PRKD1: variants seen among roughly 807,000 people sequenced by gnomAD.
PRKD1 encodes serine/threonine-protein kinase D1.
Under a neutral mutation model 95.9 loss-of-function variants are expected in PRKD1, and 63 were observed. The ratio of observed to expected loss-of-function variants is 0.66; its 90% CI spans 0.54 to 0.81. PRKD1 has a LOEUF of 0.81. Among genes scored for constraint, PRKD1 ranks in the 30% least tolerant of loss-of-function variants. PRKD1 has a pLI of 0.00. For missense variants in PRKD1, 1,048 were observed against 1,165.3 expected, an observed-to-expected ratio of 0.90 and a Z score of 1.47; for synonymous variants, 425 against 423.1, an observed-to-expected ratio of 1.00 and a Z score of -0.05.
chr14:29,889,581 C>A (rs1893866099), intron 1 of PRKD1, among the ~76,000 whole-genome samples: 1 of 152,164 alleles, frequency 6.6e-6, no homozygotes, highest in South Asian at 2.1e-4. Flanking sequence ...GAGTTCATGT[C>A]CTTTGCAGGC....
At chr14:29,904,163 G>C (rs1293413030) in intron 1 of PRKD1, among the ~76,000 whole-genome samples, 1 of 152,114 alleles carries the variant, frequency 6.6e-6, no homozygotes, top group Non-Finnish European at 1.5e-5. Context: ...AAACAGATCT[G>C]CCTATAAAAG....
intron 1 of PRKD1, among the ~76,000 whole-genome samples, chr14:29,823,431 A>G (rs1178673413): frequency 6.6e-6 from 1 of 152,198 alleles, no homozygotes; most frequent in Non-Finnish European, 1.5e-5. Flanking sequence ...ACCCATTCAA[A>G]TGCAAATGTT....
At chr14:29,618,972 T>C (rs1879060681) in intron 13 of PRKD1, among the ~76,000 whole-genome samples, 1 of 152,102 alleles carries the variant, frequency 6.6e-6, no homozygotes, top group African/African-American at 2.4e-5. Context: ...CTCTGGAGAA[T>C]GAGGAGGAGG....
chr14:29,856,144 A>G (rs1248334816), intron 1 of PRKD1, among the ~76,000 whole-genome samples: 1 of 152,208 alleles, frequency 6.6e-6, no homozygotes, highest in East Asian at 1.9e-4. Context: ...AAGGGTATAA[A>G]GGAAGTTGAA....
intron 1 of PRKD1, among the ~76,000 whole-genome samples, chr14:29,918,592 CTCTT>C (rs1465824764): frequency 6.6e-6 from 1 of 152,130 alleles, no homozygotes; most frequent in Non-Finnish European, 1.5e-5. Flanking sequence ...TACCACTTGA[CTCTT>C]TATTTCTAGT....
At chr14:29,640,225 C>T (rs1164646396) in intron 4 of PRKD1, among the ~76,000 whole-genome samples, 1 of 152,106 alleles carries the variant, frequency 6.6e-6, no homozygotes, top group Non-Finnish European at 1.5e-5. Flanking sequence ...AAATGTGAAC[C>T]TACATTTGTT....
At chr14:29,813,778 C>T (rs1890585522) in intron 1 of PRKD1, among the ~76,000 whole-genome samples, 1 of 152,194 alleles carries the variant, frequency 6.6e-6, no homozygotes, top group Non-Finnish European at 1.5e-5. Flanking sequence ...CATTACACAT[C>T]CAATTACTAT....
chr14:29,727,917 A>C (rs956568116), intron 1 of PRKD1, among the ~76,000 whole-genome samples: 1 of 151,418 alleles, frequency 6.6e-6, no homozygotes, highest in Admixed American at 6.6e-5. Context: ...AGAACAAAAA[A>C]CCAAACACCG....
Position 29,658,769 on chromosome 14 carries a change from C to T in PRKD1, c.696+4930G>A, listed in dbSNP as rs78241513. Among the ~76,000 whole-genome samples, 538 of 152,248 alleles carry T rather than the reference C, an allele frequency of 3.5e-3. 5 individuals carry two copies. The highest frequency in any genetic ancestry group is 6.8e-3 in the Non-Finnish European group (460 of 68,012). On this transcript the variant is annotated intron_variant, in intron 4 of 17. Transcript: ENST00000331968. ...ACAATGTTTATTATGCAAATGAATACTAGTATCCCAGAATGATGTGGCATA... is the reference window on the plus strand; with the variant it reads ...ACAATGTTTATTATGCAAATGAATATTAGTATCCCAGAATGATGTGGCATA...
intron 13 of PRKD1, among the ~76,000 whole-genome samples, chr14:29,614,595 T>C (rs933007570): frequency 1.3e-5 from 2 of 152,128 alleles, no homozygotes; most frequent in Admixed American, 6.6e-5. Context: ...ATAATATCTA[T>C]ATAGTTATAT....
intron 2 of PRKD1, among the ~76,000 whole-genome samples, chr14:29,703,294 C>T (rs1241615192): frequency 3.3e-5 from 5 of 152,162 alleles, no homozygotes; most frequent in Non-Finnish European, 7.3e-5. Context: ...CCCTTTCAGC[C>T]TTCAAGGAAT....
chr14:29,895,123 G>A (rs189438078), intron 1 of PRKD1, among the ~76,000 whole-genome samples: 76 of 152,098 alleles, frequency 5.0e-4, no homozygotes, highest in African/African-American at 1.8e-3. Flanking sequence ...CAAGGTCAGG[G>A]GTTCGAGACC....
At chr14:29,724,061 C>G (rs995077568) in intron 2 of PRKD1, among the ~76,000 whole-genome samples, 1 of 152,234 alleles carries the variant, frequency 6.6e-6, no homozygotes, top group East Asian at 1.9e-4. Context: ...CAGGTCAACA[C>G]GAGGGAAGAG....
chr14:29,625,862 T>A lies in PRKD1; in HGVS notation c.1798+622A>T, dbSNP rs576245341. On this transcript the variant is annotated intron_variant, in intron 12 of 17. Coordinates refer to ENST00000331968, the MANE Select transcript of PRKD1 (RefSeq NM_002742.3). ...GATAATATTAAGGAACTGAAAGTTA[T>A]GAGTTCATTTTACAGGGCAGGTAAA... 3.3e-5 allele frequency among the ~76,000 whole-genome samples: 5 copies of A among 152,256 alleles called. No individual in the cohort carries two copies. In the East Asian group the frequency reaches 9.6e-4, roughly 29 times the overall value.
intron 4 of PRKD1, chr14:29,650,430 T>C (rs1881420653): frequency 1.3e-5 from 2 of 152,292 alleles, no homozygotes; most frequent in South Asian, 2.1e-4. Flanking sequence ...AGCTCTCCCA[T>C]TGGCACCAAG....
chr14:29,884,806 C>T (rs562930086), intron 1 of PRKD1, among the ~76,000 whole-genome samples: 1 of 152,184 alleles, frequency 6.6e-6, no homozygotes, highest in African/African-American at 2.4e-5. Context: ...GAAAGGCATC[C>T]CAGAAAGAAG....
At chr14:29,854,251 TC>T (rs1351287789) in intron 1 of PRKD1, among the ~76,000 whole-genome samples, 1 of 152,170 alleles carries the variant, frequency 6.6e-6, no homozygotes, top group Non-Finnish European at 1.5e-5. Flanking sequence ...GTTTGGAACT[TC>T]CTAGAGACTT....
intron 1 of PRKD1, among the ~76,000 whole-genome samples, chr14:29,852,763 T>G (rs1892356139): frequency 6.6e-6 from 1 of 151,964 alleles, no homozygotes; most frequent in African/African-American, 2.4e-5. Context: ...AAAAAGAAAT[T>G]TAAATGTTTC....
At chr14:29,631,096 CAT>C (rs1879977841) in intron 9 of PRKD1, 75 bp from the exon 10 acceptor site, 4 of 1,382,456 alleles carry the variant, frequency 2.9e-6, no homozygotes, top group Non-Finnish European at 3.9e-6. Flanking sequence ...ATGCCAAGAA[CAT>C]GTGAAAAATG....
Sources: allele counts gnomAD v4.1 joint callset (sites outside exome capture counted in the v4.1 genomes callset), GRCh38; gene constraint gnomAD v4.1.1; transcripts MANE v1.5; gene names NCBI Gene and HGNC (gene_info 2026-07-23, HGNC 2026-07-21).